The following CDYL variants were observed in gnomAD, a reference collection of about 807,000 sequenced individuals.
The protein encoded by CDYL is chromodomain Y-like protein.
A neutral mutation model predicts 47.3 loss-of-function variants in CDYL; 8 were observed. The ratio of observed to expected loss-of-function variants is 0.17; its 90% CI spans 0.10 to 0.31. The LOEUF (loss-of-function observed/expected upper bound fraction) is 0.31, where lower values mean the gene tolerates loss of function less well. Among genes scored for constraint, CDYL ranks in the 10% least tolerant of loss-of-function variants. CDYL has a pLI of 1.00. For synonymous variants in CDYL, 266 were observed against 265.0 expected (o/e 1.00, Z -0.04); for missense variants, 471 against 701.4 (o/e 0.67, Z 3.71).
chr6:4,895,451 A>ATACATGTATACGTATATATGCATG (rs1762243828), intron 2 of CDYL, among the ~76,000 whole-genome samples: 1 of 88,152 alleles, frequency 1.1e-5, no homozygotes, highest in African/African-American at 4.6e-5. Flanking sequence ...ATATATGCAT[A>ATACATGTATACGTATATATGCATG]TATACATGTA....
intron 2 of CDYL, among the ~76,000 whole-genome samples, chr6:4,727,860 T>G (rs1291135572): frequency 6.6e-6 from 1 of 152,094 alleles, no homozygotes; most frequent in African/African-American, 2.4e-5. Context: ...GTATGTTGAC[T>G]TTTTTCTTTC....
intron 2 of CDYL, among the ~76,000 whole-genome samples, chr6:4,911,458 T>C (rs1474533397): frequency 6.6e-6 from 1 of 152,228 alleles, no homozygotes; most frequent in African/African-American, 2.4e-5. Flanking sequence ...CCTAGGTCAT[T>C]AGGAAAGTTT....
intron 1 of CDYL, among the ~76,000 whole-genome samples, chr6:4,850,070 A>G: frequency 6.6e-6 from 1 of 152,178 alleles, no homozygotes; most frequent in East Asian, 1.9e-4. Context: ...AACATACTTC[A>G]TAGAGTTTTG....
chr6:4,950,570 A>G (rs1384607759), intron 5 of CDYL, among the ~76,000 whole-genome samples: 1 of 152,078 alleles, frequency 6.6e-6, no homozygotes, highest in Non-Finnish European at 1.5e-5. Context: ...TTCTAAATCC[A>G]CTGTTTATGG....
At chr6:4,935,078 C>G (rs1377251425) in intron 2 of CDYL, among the ~76,000 whole-genome samples, 1 of 152,186 alleles carries the variant, frequency 6.6e-6, no homozygotes, top group Non-Finnish European at 1.5e-5. Flanking sequence ...ACGTGTCTAT[C>G]CAGTTTATCT....
At chr6:4,835,203 T>C (rs1400133802) in intron 1 of CDYL, among the ~76,000 whole-genome samples, 1 of 152,198 alleles carries the variant, frequency 6.6e-6, no homozygotes, top group African/African-American at 2.4e-5. Flanking sequence ...TTTGTGGTTT[T>C]ATCTACTTTT....
intron 1 of CDYL, among the ~76,000 whole-genome samples, chr6:4,809,093 T>C (rs563498947): frequency 1.1e-4 from 16 of 152,354 alleles, no homozygotes; most frequent in African/African-American, 3.8e-4. Flanking sequence ...CCAGTCTCTT[T>C]AGTTTCTAGT....
chr6:4,724,277 C>G (rs1582282172), intron 2 of CDYL: 2 of 152,048 alleles, frequency 1.3e-5, no homozygotes, highest in South Asian at 4.1e-4. Context: ...TCTCAAACTC[C>G]TGACTTCATA....
chr6:4,843,506 T>C (rs1204739910), intron 1 of CDYL, among the ~76,000 whole-genome samples: 5 of 147,082 alleles, frequency 3.4e-5, no homozygotes, highest in Admixed American at 3.4e-4. Context: ...TCAGAGGCTT[T>C]TTCTTTTTTT....
At chr6:4,926,906 C>G (rs1191931085) in intron 2 of CDYL, among the ~76,000 whole-genome samples, 1 of 152,140 alleles carries the variant, frequency 6.6e-6, no homozygotes, top group African/African-American at 2.4e-5. Flanking sequence ...ACACACCTTT[C>G]AGGTGTGCTG....
chr6:4,707,407 A>T (rs1757066795), intron 1 of CDYL, among the ~76,000 whole-genome samples: 1 of 152,148 alleles, frequency 6.6e-6, no homozygotes, highest in Non-Finnish European at 1.5e-5. Context: ...CCTCCTGAGT[A>T]GCTGGGACTA....
intron 2 of CDYL, among the ~76,000 whole-genome samples, chr6:4,928,111 C>CA (rs1025807940): frequency 1.3e-5 from 2 of 152,044 alleles, no homozygotes; most frequent in African/African-American, 4.8e-5. Flanking sequence ...TTATTCTTTT[C>CA]AAAAAAATTT....
intron 1 of CDYL, chr6:4,836,359 C>T: frequency 1.6e-6 from 1 of 636,564 alleles, no homozygotes; most frequent in Non-Finnish European, 2.0e-6. Flanking sequence ...TTCCAACCCC[C>T]TAGAGGAGTT....
chr6:4,819,561 T>C (rs925434004), intron 1 of CDYL, among the ~76,000 whole-genome samples: 3 of 152,190 alleles, frequency 2.0e-5, no homozygotes, highest in Non-Finnish European at 4.4e-5. Flanking sequence ...TGACAACATC[T>C]TGAGGCTCAG....
intron 1 of CDYL, among the ~76,000 whole-genome samples, chr6:4,782,737 C>T (rs1038474599): frequency 1.3e-5 from 2 of 152,088 alleles, no homozygotes; most frequent in Non-Finnish European, 2.9e-5. Context: ...GGATATAGGA[C>T]CCAAAGCAAG....
chr6:4,789,439 C>G (rs191188030), intron 1 of CDYL, among the ~76,000 whole-genome samples: 2 of 152,094 alleles, frequency 1.3e-5, no homozygotes, highest in African/African-American at 2.4e-5. Flanking sequence ...GCCCTCCGCA[C>G]CACATCTGTC....
At chr6:4,724,065 G>A (rs1160052237) in intron 2 of CDYL, among the ~76,000 whole-genome samples, 1 of 152,114 alleles carries the variant, frequency 6.6e-6, no homozygotes, top group African/African-American at 2.4e-5. Context: ...GTTTGAGAGA[G>A]TCTTGCTCTG....
chr6:4,888,635 A>C (rs899542904), intron 1 of CDYL, among the ~76,000 whole-genome samples: 6 of 152,000 alleles, frequency 3.9e-5, no homozygotes, highest in Non-Finnish European at 8.8e-5. Flanking sequence ...TAAGTTCTAA[A>C]TTGTTTCTTT....
intron 1 of CDYL, among the ~76,000 whole-genome samples, chr6:4,707,266 A>G (rs1359935505): frequency 7.9e-5 from 12 of 152,096 alleles, no homozygotes; most frequent in Admixed American, 7.9e-4. Flanking sequence ...CTGTAATTCA[A>G]TGCCAAGTCT....
Sources: gnomAD v4.1 joint callset for allele counts (sites outside exome capture counted in the v4.1 genomes callset) on GRCh38, gnomAD v4.1.1 for gene constraint, MANE v1.5 for transcripts, NCBI Gene and HGNC (gene_info 2026-07-23, HGNC 2026-07-21) for gene names.